The following YWHAQ variants were observed in gnomAD, a reference collection of about 807,000 sequenced individuals.
YWHAQ encodes tyrosine 3-monooxygenase/tryptophan 5-monooxygenase activation protein theta, also known as 14-3-3 protein theta.
Under a neutral mutation model 28.3 loss-of-function variants are expected in YWHAQ, and 6 were observed. That is an observed-to-expected ratio of 0.21 (90% CI 0.12 to 0.42). The LOEUF is 0.42. Ranked by LOEUF, YWHAQ falls within the 10% of genes least tolerant of loss-of-function variation. The pLI is 1.00. For synonymous variants in YWHAQ, 143 were observed against 119.1 expected (o/e 1.20, Z -1.31); for missense variants, 201 against 305.6 (o/e 0.66, Z 2.55).
Position 9,584,378 on chromosome 2 carries a change from G to A in YWHAQ, c.*908C>T, listed in dbSNP as rs1181940450. 6.6e-6 allele frequency: 1 copy of A among 152,540 alleles called. No homozygotes were observed. The highest frequency in any genetic ancestry group is 2.4e-5 in the African/African-American group (1 of 41,400). The allele number at this position is 152,540 out of a possible 1,614,324, so 9.4% of individuals were successfully genotyped here. Reference sequence around the variant, plus strand: ...CAATGATTAGCAACACACAATAGTGGTCCAACTCTCTAAATAACAATCACT... The same window carrying A: ...CAATGATTAGCAACACACAATAGTGATCCAACTCTCTAAATAACAATCACT... On this transcript the variant is annotated 3_prime_UTR_variant, in exon 6 of 6. Coordinates refer to ENST00000238081, the MANE Select transcript of YWHAQ (RefSeq NM_006826.4).
At position 9,630,765 on chromosome 2, in the gene YWHAQ, C is replaced by T. The variant is rs1254866080; in HGVS notation, c.-83+176G>A. The T allele has an allele frequency of 6.6e-6, 1 of 151,456 alleles. No homozygotes were observed. Among genetic ancestry groups the T allele is most frequent in the African/African-American group, 2.4e-5 (1 of 41,286 alleles). 9.4% of individuals were successfully genotyped at this position (151,456 alleles called of 1,614,324 possible). On this transcript the variant is annotated intron_variant, in intron 1 of 5. Coordinates refer to ENST00000238081, the MANE Select transcript of YWHAQ (RefSeq NM_006826.4). The surrounding 1 kb of genome is among the most constrained non-coding windows in gnomAD (Gnocchi z 5.6). The stretch of plus-strand genomic sequence containing the variant: ...GAGCCCGAGCCGCGGCCGCTCCCGC[C>T]ACCCCCGCCCGGCCGGCCCAAGATG...
rs1289721776 is a variant in YWHAQ at position 9,627,663 on chromosome 2, CAATA to C, written c.294+2492_294+2495del. Among the ~76,000 whole-genome samples, 6 of 152,096 alleles carry C rather than the reference CAATA, an allele frequency of 3.9e-5. No homozygotes were observed. The South Asian group carries it at 8.3e-4, about 21-fold the overall frequency. ...TGGGTGTAACAAGATCCCATCTCTACAATAAATAAATAAAACTTTAAAAAAACCA... is the reference window on the plus strand; with the variant it reads ...TGGGTGTAACAAGATCCCATCTCTACAATAAATAAAACTTTAAAAAAACCA... On this transcript the variant is annotated intron_variant, in intron 2 of 5. Coordinates refer to ENST00000238081, the MANE Select transcript of YWHAQ (RefSeq NM_006826.4).
chr2:9,591,276 C>A, intron 3 of YWHAQ, 116 bp downstream of exon 3: 1 of 1,244,492 alleles, frequency 8.0e-7, no homozygotes. Flanking sequence ...TCTTGACATA[C>A]ATTCAATTAT....
chr2:9,593,903 A>T (rs977798598), intron 2 of YWHAQ, among the ~76,000 whole-genome samples: 7 of 108,560 alleles, frequency 6.4e-5, no homozygotes, highest in Non-Finnish European at 1.1e-4. Flanking sequence ...TAGATTAAAA[A>T]AAATATATAT....
chr2:9,602,855 A>T (rs1359211264), intron 2 of YWHAQ, among the ~76,000 whole-genome samples: 2 of 14,448 alleles, frequency 1.4e-4, no homozygotes, highest in African/African-American at 3.5e-4. Flanking sequence ...AAAAAAAAAA[A>T]AAAAAAAATA....
At chr2:9,600,318 T>C (rs537442236) in intron 2 of YWHAQ, among the ~76,000 whole-genome samples, 4 of 152,346 alleles carry the variant, frequency 2.6e-5, no homozygotes, top group Non-Finnish European at 4.4e-5. Context: ...ACTTAGTTGA[T>C]AGAGCAGTGG....
intron 2 of YWHAQ, among the ~76,000 whole-genome samples, chr2:9,593,354 G>A (rs1348140100): frequency 4.0e-5 from 6 of 150,064 alleles, no homozygotes; most frequent in South Asian, 4.3e-4. Context: ...GACTACAGGC[G>A]CACACCACCA....
At chr2:9,605,754 G>T (rs1433141743) in intron 2 of YWHAQ, among the ~76,000 whole-genome samples, 17 of 151,168 alleles carry the variant, frequency 1.1e-4, no homozygotes, top group African/African-American at 3.4e-4. Context: ...GTAGAGGGGG[G>T]TTTTCACCAT....
chr2:9,630,399 G>C lies in YWHAQ; in HGVS notation c.54C>G (p.Arg18=), dbSNP rs915919557. The stretch of plus-strand genomic sequence containing the variant: ...TCATGCAGGTGGCCATGTCGTCGTA[G>C]CGCTCGGCCTGCTCGGCCAGCTTGG... ...QKAKLAEQAE[R]YDDMATCMKA... is the part of the protein sequence containing the mutation. Residue 18 remains arginine (R), a synonymous_variant, in exon 2 of 6, where the codon CGC becomes CGG. Coordinates refer to ENST00000238081, the MANE Select transcript of YWHAQ (RefSeq NM_006826.4). The surrounding 1 kb of genome is among the most constrained non-coding windows in gnomAD (Gnocchi z 5.6). The C allele has an allele frequency of 1.2e-6, 2 of 1,613,590 alleles. No homozygotes were observed. Among genetic ancestry groups the C allele is most frequent in the Non-Finnish European group, 8.5e-7 (1 of 1,180,014 alleles).
intron 2 of YWHAQ, among the ~76,000 whole-genome samples, chr2:9,612,700 G>C (rs1463906758): frequency 1.3e-5 from 2 of 152,142 alleles, no homozygotes; most frequent in East Asian, 3.8e-4. Context: ...AGGATGCTAG[G>C]AATACAGCAG....
intron 5 of YWHAQ, 109 bp from the exon 6 acceptor site, chr2:9,585,454 T>C (rs1424521637): frequency 8.1e-7 from 1 of 1,234,896 alleles, no homozygotes; most frequent in African/African-American, 1.5e-5. Flanking sequence ...CCTCAAACAA[T>C]GGAGATCTTG....
chr2:9,614,426 GC>G (rs1395401674), intron 2 of YWHAQ, among the ~76,000 whole-genome samples: 2 of 152,148 alleles, frequency 1.3e-5, no homozygotes, highest in Non-Finnish European at 2.9e-5. Flanking sequence ...CTGTTTTTTA[GC>G]CATTAATTTG....
At chr2:9,600,947 C>A (rs1666680938) in intron 2 of YWHAQ, among the ~76,000 whole-genome samples, 1 of 152,102 alleles carries the variant, frequency 6.6e-6, no homozygotes, top group Admixed American at 6.5e-5. Context: ...GGTTTTTAGA[C>A]AAAATGCTAT....
intron 3 of YWHAQ, among the ~76,000 whole-genome samples, chr2:9,589,650 G>A (rs898268117): frequency 3.9e-5 from 6 of 152,122 alleles, no homozygotes; most frequent in African/African-American, 1.4e-4. Flanking sequence ...ACTTTACAAA[G>A]ATCATCAACA....
intron 2 of YWHAQ, among the ~76,000 whole-genome samples, chr2:9,605,952 C>T (rs1666818460): frequency 6.6e-6 from 1 of 152,140 alleles, no homozygotes; most frequent in Admixed American, 6.6e-5. Context: ...TATTCTACAC[C>T]TTAGCTTTTC....
chr2:9,591,210 T>G (rs754550094), intron 3 of YWHAQ, among the ~76,000 whole-genome samples, 182 bp downstream of exon 3: 20 of 152,210 alleles, frequency 1.3e-4, no homozygotes, highest in Non-Finnish European at 2.5e-4. Flanking sequence ...AAAGAGCATG[T>G]GATGTAAATT....
At chr2:9,590,662 C>CAT (rs1666437017) in intron 3 of YWHAQ, among the ~76,000 whole-genome samples, 1 of 151,980 alleles carries the variant, frequency 6.6e-6, no homozygotes, top group Non-Finnish European at 1.5e-5. Flanking sequence ...TTTTTATTAT[C>CAT]AAGTTAGGCA....
chr2:9,607,131 T>C (rs765503901), intron 2 of YWHAQ, among the ~76,000 whole-genome samples: 2 of 152,140 alleles, frequency 1.3e-5, no homozygotes, highest in Non-Finnish European at 2.9e-5. Context: ...TCCGCCCATC[T>C]TGGCCTTCCA....
At chr2:9,602,725 G>A (rs916552880) in intron 2 of YWHAQ, among the ~76,000 whole-genome samples, 1 of 149,158 alleles carries the variant, frequency 6.7e-6, no homozygotes, top group African/African-American at 2.5e-5. Context: ...GAGAGACAGG[G>A]TCTCATCATC....
Sources: allele counts gnomAD v4.1 joint callset (sites outside exome capture counted in the v4.1 genomes callset), GRCh38; gene constraint gnomAD v4.1.1; non-coding constraint Gnocchi (gnomAD v3.1); transcripts MANE v1.5; gene names NCBI Gene and HGNC (gene_info 2026-07-23, HGNC 2026-07-21).